ZBTB8A: variants seen among roughly 807,000 people sequenced by gnomAD.
The protein encoded by ZBTB8A is zinc finger and BTB domain-containing protein 8A.
Under a neutral mutation model 37.8 loss-of-function variants are expected in ZBTB8A, and 19 were observed. That is an observed-to-expected ratio of 0.50 (90% CI 0.35 to 0.74). The LOEUF is 0.74. ZBTB8A is among the 30% of genes least tolerant of loss of function. The pLI is 0.01. For synonymous variants in ZBTB8A, 181 were observed against 185.2 expected (o/e 0.98, Z 0.19); for missense variants, 394 against 537.8 (o/e 0.73, Z 2.65).
chr1:32,559,658 T>G (rs1173856964), intron 2 of ZBTB8A, among the ~76,000 whole-genome samples: 10 of 151,914 alleles, frequency 6.6e-5, no homozygotes, highest in Non-Finnish European at 1.5e-5. Context: ...AGTAATGGGG[T>G]TTCGCCATGT....
chr1:32,560,052 C>T (rs1322270787), intron 2 of ZBTB8A, among the ~76,000 whole-genome samples: 6 of 151,962 alleles, frequency 3.9e-5, no homozygotes, highest in South Asian at 2.1e-4. Flanking sequence ...CTTCCAGTTA[C>T]GGTGGAAGAC....
chr1:32,545,655 C>G (rs1002766258), intron 1 of ZBTB8A, among the ~76,000 whole-genome samples: 3 of 152,196 alleles, frequency 2.0e-5, no homozygotes, highest in African/African-American at 7.2e-5. Flanking sequence ...TGCCATCCTT[C>G]TGTAGGCCCA....
intron 2 of ZBTB8A, among the ~76,000 whole-genome samples, chr1:32,581,007 C>G (rs1436244358): frequency 6.9e-6 from 1 of 145,982 alleles, no homozygotes; most frequent in Non-Finnish European, 1.5e-5. Flanking sequence ...TAATCTACCT[C>G]TTAATACTGT....
intron 1 of ZBTB8A, 145 bp downstream of exon 1, chr1:32,539,717 C>T (rs1025414097): frequency 0.012 from 4 of 340 alleles, no homozygotes; most frequent in African/African-American, 0.062. Context: ...CCCAGACGTC[C>T]CCGGGCCGGG....
At chr1:32,581,886 A>G (rs944263465) in intron 2 of ZBTB8A, among the ~76,000 whole-genome samples, 4 of 152,116 alleles carry the variant, frequency 2.6e-5, no homozygotes, top group Non-Finnish European at 5.9e-5. Context: ...TTACAACACC[A>G]TCAGATCTCG....
At chr1:32,575,881 G>A (rs998670846) in intron 2 of ZBTB8A, among the ~76,000 whole-genome samples, 5 of 151,890 alleles carry the variant, frequency 3.3e-5, no homozygotes, top group South Asian at 4.2e-4. Context: ...AGAATATTGA[G>A]TACTTTTTTA....
chr1:32,591,682 G>T (rs559099676), intron 2 of ZBTB8A, among the ~76,000 whole-genome samples: 2 of 152,074 alleles, frequency 1.3e-5, no homozygotes, highest in Non-Finnish European at 2.9e-5. Flanking sequence ...GGAGGCTGAG[G>T]CCAGAGGATC....
At chr1:32,595,801 C>G (rs921646304) in intron 4 of ZBTB8A, among the ~76,000 whole-genome samples, 3 of 151,970 alleles carry the variant, frequency 2.0e-5, no homozygotes, top group Non-Finnish European at 4.4e-5. Context: ...AGGCCTGCAC[C>G]AACATGCCAG....
At chr1:32,594,726 A>T (rs1026775751) in intron 3 of ZBTB8A, among the ~76,000 whole-genome samples, 18 of 151,452 alleles carry the variant, frequency 1.2e-4, no homozygotes, top group African/African-American at 4.4e-4. Flanking sequence ...AGATTGCGCC[A>T]TTGCACTCCA....
rs12043166 is a variant in ZBTB8A at position 32,562,726 on chromosome 1, T to C, written c.-2+9186T>C. Among the ~76,000 whole-genome samples the C allele has an allele frequency of 5.0e-3, 762 of 151,572 alleles. 10 individuals are homozygous for C. The highest frequency in any genetic ancestry group is 0.043 in the East Asian group (220 of 5,110). ...CCTCCCATGTAGCTGAGATTATAGG[T>C]GCCCACCACCACACCCAGCTAATTT... On this transcript the variant is annotated intron_variant, in intron 2 of 4. Coordinates refer to ENST00000373510, the MANE Select transcript of ZBTB8A (RefSeq NM_001040441.3).
In ZBTB8A at chr1:32,602,179, T is replaced by G. The variant is rs1644580986; in HGVS notation, c.*1760T>G. On this transcript the variant is annotated 3_prime_UTR_variant, in exon 5 of 5. Transcript: ENST00000373510. The stretch of plus-strand genomic sequence containing the variant: ...CCCCGTCTCTACTAAAAATACAAAA[T>G]TAGCCGGGCGTGGTGGTGCATGCCT... The G allele has an allele frequency of 6.6e-6, 1 of 151,814 alleles. No individual in the cohort carries two copies. The highest frequency in any genetic ancestry group is 1.5e-5 in the Non-Finnish European group (1 of 68,018). The allele number at this position is 151,814 out of a possible 1,614,324, so 9.4% of individuals were successfully genotyped here.
At chr1:32,579,468 A>G (rs1328673318) in intron 2 of ZBTB8A, among the ~76,000 whole-genome samples, 4 of 151,906 alleles carry the variant, frequency 2.6e-5, no homozygotes, top group Non-Finnish European at 5.9e-5. Flanking sequence ...AAAAAAAGAA[A>G]AGAAAAAAAA....
chr1:32,554,884 C>T (rs1644188547), intron 2 of ZBTB8A, among the ~76,000 whole-genome samples: 2 of 152,102 alleles, frequency 1.3e-5, no homozygotes, highest in Non-Finnish European at 2.9e-5. Flanking sequence ...TAATCACATA[C>T]TCGTATTATT....
At chr1:32,554,438 A>G (rs1644183633) in intron 2 of ZBTB8A, among the ~76,000 whole-genome samples, 1 of 150,828 alleles carries the variant, frequency 6.6e-6, no homozygotes, top group Non-Finnish European at 1.5e-5. Context: ...CCCAGCATAC[A>G]TATTTGAACT....
At chr1:32,551,552 A>G (rs1043882137) in intron 1 of ZBTB8A, among the ~76,000 whole-genome samples, 1 of 152,080 alleles carries the variant, frequency 6.6e-6, no homozygotes, top group Admixed American at 6.6e-5. Flanking sequence ...CATCTCTACT[A>G]AAAATACAAA....
At chr1:32,540,034 C>A (rs1313608791) in intron 1 of ZBTB8A, among the ~76,000 whole-genome samples, 4 of 151,872 alleles carry the variant, frequency 2.6e-5, no homozygotes, top group Non-Finnish European at 4.4e-5. Flanking sequence ...TGCCGGGGAA[C>A]CTGGCTCCCA....
At chr1:32,589,095 C>T (rs1644469382) in intron 2 of ZBTB8A, among the ~76,000 whole-genome samples, 1 of 151,970 alleles carries the variant, frequency 6.6e-6, no homozygotes, top group Non-Finnish European at 1.5e-5. Flanking sequence ...CAAAGCAAAA[C>T]TGTTCCAATG....
intron 2 of ZBTB8A, among the ~76,000 whole-genome samples, chr1:32,581,775 A>G (rs12117721): frequency 0.14 from 20,645 of 152,040 alleles, 1,633 homozygotes; most frequent in African/African-American, 0.24. Flanking sequence ...TGCTGGGGAG[A>G]CCTCAGGAAA....
intron 2 of ZBTB8A, among the ~76,000 whole-genome samples, chr1:32,585,027 CTTT>C (rs1163697499): frequency 3.8e-5 from 4 of 105,620 alleles, no homozygotes; most frequent in African/African-American, 1.4e-4. Flanking sequence ...TTTCAGATTT[CTTT>C]TTTTTTTTTT....
Sources: gnomAD v4.1 joint callset for allele counts (sites outside exome capture counted in the v4.1 genomes callset) on GRCh38, gnomAD v4.1.1 for gene constraint, MANE v1.5 for transcripts, NCBI Gene and HGNC (gene_info 2026-07-23, HGNC 2026-07-21) for gene names.